Variants in RSRC1 observed in about 807,000 individuals in gnomAD.
RSRC1 encodes the protein arginine and serine rich coiled-coil 1, also known as serine/Arginine-related protein 53.
Under a neutral mutation model 49.1 loss-of-function variants are expected in RSRC1, and 39 were observed. That is an observed-to-expected ratio of 0.79 (90% CI 0.61 to 1.04). RSRC1 has a LOEUF of 1.04. Ranked by LOEUF, RSRC1 falls within the 50% of genes least tolerant of loss-of-function variation. The pLI, the probability that RSRC1 is intolerant of heterozygous loss-of-function variation, is 0.00. For missense variants in RSRC1, 388 were observed against 402.4 expected, an observed-to-expected ratio of 0.96 and a Z score of 0.31; for synonymous variants, 143 against 130.8, an observed-to-expected ratio of 1.09 and a Z score of -0.63.
At chr3:158,273,352 T>C (rs1725627513) in intron 4 of RSRC1, among the ~76,000 whole-genome samples, 1 of 152,114 alleles carries the variant, frequency 6.6e-6, no homozygotes, top group Admixed American at 6.5e-5. Flanking sequence ...CACATACATA[T>C]ACACACACAG....
At chr3:158,492,408 T>G (rs575116412) in intron 7 of RSRC1, among the ~76,000 whole-genome samples, 3 of 152,318 alleles carry the variant, frequency 2.0e-5, no homozygotes, top group African/African-American at 7.2e-5. Flanking sequence ...AGTACTCCCA[T>G]TATAAGATTA....
At chr3:158,271,549 T>A (rs1309896809) in intron 4 of RSRC1, among the ~76,000 whole-genome samples, 1 of 152,128 alleles carries the variant, frequency 6.6e-6, no homozygotes, top group Non-Finnish European at 1.5e-5. Flanking sequence ...CACCATATAT[T>A]TTTTTGTATG....
At chr3:158,371,734 G>T (rs772549733) in intron 6 of RSRC1, among the ~76,000 whole-genome samples, 2 of 151,890 alleles carry the variant, frequency 1.3e-5, no homozygotes, top group African/African-American at 4.8e-5. Context: ...CTAAGACTAG[G>T]ATTGCTGGCA....
intron 7 of RSRC1, among the ~76,000 whole-genome samples, chr3:158,477,774 G>T (rs1367322429): frequency 2.6e-5 from 3 of 116,148 alleles, no homozygotes; most frequent in African/African-American, 1.1e-4. Context: ...GGAGCATGGT[G>T]ATGGGATAGG....
chr3:158,284,737 GTTGT>G (rs901417827), intron 4 of RSRC1, among the ~76,000 whole-genome samples: 1 of 152,002 alleles, frequency 6.6e-6, no homozygotes, highest in African/African-American at 2.4e-5. Context: ...TTTTGATGGG[GTTGT>G]TTGTTTTTTT....
At chr3:158,406,519 A>C (rs898032658) in intron 6 of RSRC1, among the ~76,000 whole-genome samples, 4 of 152,154 alleles carry the variant, frequency 2.6e-5, no homozygotes, top group African/African-American at 9.7e-5. Context: ...ATACAGTACT[A>C]AAGTCATTAA....
At chr3:158,326,743 T>G (rs1319769421) in intron 5 of RSRC1, among the ~76,000 whole-genome samples, 2 of 152,206 alleles carry the variant, frequency 1.3e-5, no homozygotes, top group Non-Finnish European at 2.9e-5. Flanking sequence ...GCTGGCCTCA[T>G]AAAATGAGTT....
At chr3:158,306,017 T>G (rs564824567) in intron 5 of RSRC1, among the ~76,000 whole-genome samples, 1 of 152,058 alleles carries the variant, frequency 6.6e-6, no homozygotes, top group Admixed American at 6.6e-5. Context: ...AAACAATATC[T>G]TAATTCCAGT....
In RSRC1 at chr3:158,189,805, C is replaced by T. The variant is rs371105414; in HGVS notation, c.321-13267C>T. 3.2e-4 allele frequency among the ~76,000 whole-genome samples: 48 copies of T among 151,672 alleles called. No individual in the cohort carries two copies. In the South Asian group the frequency reaches 3.9e-3, roughly 12 times the overall value. On this transcript the variant is annotated intron_variant, in intron 3 of 9. Transcript: ENST00000611884. ...TTTCTATTTGTCCAATCCATTTTTT[C>T]GTTTTTTCTGCTTTCTTACCTTCTT...
chr3:158,352,836 A>T (rs1730948640), intron 5 of RSRC1, among the ~76,000 whole-genome samples: 1 of 152,104 alleles, frequency 6.6e-6, no homozygotes, highest in Non-Finnish European at 1.5e-5. Context: ...GTGCTTTCTG[A>T]TACTAATGTC....
intron 7 of RSRC1, among the ~76,000 whole-genome samples, chr3:158,481,995 C>T (rs1314158040): frequency 1.3e-5 from 2 of 151,898 alleles, no homozygotes; most frequent in African/African-American, 2.4e-5. Context: ...ATCCTAAAAA[C>T]TCAGAGTAAA....
intron 4 of RSRC1, among the ~76,000 whole-genome samples, chr3:158,239,701 T>C (rs1723456685): frequency 6.6e-6 from 1 of 152,120 alleles, no homozygotes; most frequent in Admixed American, 6.6e-5. Context: ...TGTGCACATG[T>C]ACCCTAGAAC....
chr3:158,259,249 G>A (rs973620014), intron 4 of RSRC1, among the ~76,000 whole-genome samples: 8 of 152,128 alleles, frequency 5.3e-5, no homozygotes, highest in African/African-American at 1.9e-4. Context: ...CTTGGGTGTT[G>A]CACTCTATGT....
At chr3:158,259,332 G>A (rs567342708) in intron 4 of RSRC1, among the ~76,000 whole-genome samples, 1 of 152,250 alleles carries the variant, frequency 6.6e-6, no homozygotes, top group South Asian at 2.1e-4. Flanking sequence ...TTGTAGCCTC[G>A]TAGAGATACT....
intron 7 of RSRC1, among the ~76,000 whole-genome samples, chr3:158,522,727 T>C (rs1711761409): frequency 6.6e-6 from 1 of 152,118 alleles, no homozygotes; most frequent in Admixed American, 6.6e-5. Context: ...TCTCCATGCT[T>C]CATTTTTTTT....
In RSRC1 at chr3:158,340,694, G is replaced by A. The variant is rs970977639; in HGVS notation, c.532-14163G>A. Among the ~76,000 whole-genome samples the A allele has an allele frequency of 6.6e-5, 10 of 152,196 alleles. No homozygotes were observed. The South Asian group carries it at 8.3e-4, about 13-fold the overall frequency. On this transcript the variant is annotated intron_variant, in intron 5 of 9. Coordinates refer to ENST00000611884, the MANE Select transcript of RSRC1 (RefSeq NM_001271838.2). ...ATGTCTTTATTAGCAGTTTGAAAAC[G>A]GACTAATACAGTAAATTGGTACCAA...
intron 5 of RSRC1, among the ~76,000 whole-genome samples, chr3:158,329,242 A>G (rs1438944356): frequency 1.3e-5 from 2 of 152,188 alleles, no homozygotes; most frequent in African/African-American, 4.8e-5. Context: ...CAACTCGTCA[A>G]AGTCATTCTG....
At chr3:158,293,915 T>C (rs1727085642) in intron 4 of RSRC1, among the ~76,000 whole-genome samples, 1 of 152,146 alleles carries the variant, frequency 6.6e-6, no homozygotes, top group Admixed American at 6.6e-5. Flanking sequence ...TCTTCCTTTG[T>C]GTAGGGGTCT....
intron 7 of RSRC1, among the ~76,000 whole-genome samples, chr3:158,489,390 C>G (rs1738972140): frequency 6.6e-6 from 1 of 152,216 alleles, no homozygotes; most frequent in African/African-American, 2.4e-5. Flanking sequence ...GGCTCAACCA[C>G]CTGGTGTGGA....
Sources: gnomAD v4.1 joint callset for allele counts (sites outside exome capture counted in the v4.1 genomes callset) on GRCh38, gnomAD v4.1.1 for gene constraint, MANE v1.5 for transcripts, NCBI Gene and HGNC (gene_info 2026-07-23, HGNC 2026-07-21) for gene names.